Variants in CACNA1C observed in about 807,000 individuals in gnomAD.
CACNA1C encodes the protein voltage-dependent L-type calcium channel subunit alpha-1C.
In CACNA1C, 30 loss-of-function variants were observed where a neutral mutation model predicts 229.0. The observed-to-expected ratio is 0.13, with a 90% confidence interval of 0.10 to 0.18. The LOEUF (loss-of-function observed/expected upper bound fraction) is 0.18. Among genes scored for constraint, CACNA1C ranks in the 10% least tolerant of loss-of-function variants. The pLI is 1.00. For missense variants in CACNA1C, 1,658 were observed against 2,845.0 expected (o/e 0.58, Z 9.49); for synonymous variants, 1,114 against 1,132.5 (o/e 0.98, Z 0.33).
At chr12:2,216,017 A>G (rs2059881255) in intron 3 of CACNA1C, among the ~76,000 whole-genome samples, 1 of 152,250 alleles carries the variant, frequency 6.6e-6, no homozygotes, top group African/African-American at 2.4e-5. Context: ...AAGCACACTC[A>G]GCAGAGATGT....
intron 10 of CACNA1C, among the ~76,000 whole-genome samples, chr12:2,551,775 T>C (rs1372810576): frequency 6.6e-6 from 1 of 152,014 alleles, no homozygotes. Flanking sequence ...AACTACGGCA[T>C]GTTACTTCAT....
At chr12:2,367,048 T>C (rs2097741092) in intron 3 of CACNA1C, among the ~76,000 whole-genome samples, 3 of 152,154 alleles carry the variant, frequency 2.0e-5, no homozygotes, top group African/African-American at 4.8e-5. Context: ...GATTCCAATT[T>C]GAGATGAGAT....
At chr12:2,163,565 G>A (rs2096031766) in intron 3 of CACNA1C, among the ~76,000 whole-genome samples, 1 of 152,118 alleles carries the variant, frequency 6.6e-6, no homozygotes, top group Non-Finnish European at 1.5e-5. Context: ...GTTTTCTAGT[G>A]GGGGTAAGGA....
At chr12:2,352,064 C>A (rs562394071) in intron 3 of CACNA1C, among the ~76,000 whole-genome samples, 1 of 152,332 alleles carries the variant, frequency 6.6e-6, no homozygotes, top group Admixed American at 6.5e-5. Flanking sequence ...GCAGCACAAT[C>A]ACCCTGTCCC....
chr12:2,189,275 G>A (rs2097141903), intron 3 of CACNA1C, among the ~76,000 whole-genome samples: 1 of 152,138 alleles, frequency 6.6e-6, no homozygotes, highest in Admixed American at 6.5e-5. Flanking sequence ...CAGTAAGAGA[G>A]CCTTGTGCTA....
chr12:2,517,105 T>G (rs991262012), intron 9 of CACNA1C, among the ~76,000 whole-genome samples: 15 of 152,240 alleles, frequency 9.9e-5, no homozygotes, highest in Non-Finnish European at 1.9e-4. Context: ...CCATTGGGCT[T>G]AGCAATGTGG....
chr12:2,376,849 G>A (rs768866562), intron 3 of CACNA1C, among the ~76,000 whole-genome samples: 2 of 152,190 alleles, frequency 1.3e-5, no homozygotes, highest in Non-Finnish European at 2.9e-5. Flanking sequence ...GAGATGGGGT[G>A]AAAGATGGTG....
chr12:2,674,160 G>A (rs1273183605), intron 38 of CACNA1C, among the ~76,000 whole-genome samples: 1 of 152,126 alleles, frequency 6.6e-6, no homozygotes, highest in Non-Finnish European at 1.5e-5. Context: ...CCCGTGGCAG[G>A]GCCATACGTG....
chr12:2,095,062 C>G (rs543119499), intron 1 of CACNA1C, among the ~76,000 whole-genome samples: 1 of 152,200 alleles, frequency 6.6e-6, no homozygotes, highest in South Asian at 2.1e-4. Context: ...TGCCCGGGCT[C>G]ACAGGGCTAG....
intron 3 of CACNA1C, among the ~76,000 whole-genome samples, chr12:2,431,262 G>T (rs1399771934): frequency 1.3e-5 from 2 of 152,160 alleles, no homozygotes; most frequent in East Asian, 3.8e-4. Context: ...CAAAATATCT[G>T]TAGGTAGTTG....
At chr12:2,127,689 C>T (rs113381436) in intron 3 of CACNA1C, among the ~76,000 whole-genome samples, 4,704 of 152,192 alleles carry the variant, frequency 0.031, 230 homozygotes, top group African/African-American at 0.11. Context: ...GTCAGTTCTC[C>T]CCTCAGATTT....
intron 43 of CACNA1C, among the ~76,000 whole-genome samples, chr12:2,684,775 G>A (rs1263655410): frequency 6.6e-6 from 1 of 152,194 alleles, no homozygotes; most frequent in Non-Finnish European, 1.5e-5. Flanking sequence ...ATACAATAGG[G>A]AGGCCTTAGC....
Position 2,665,979 on chromosome 12 carries a change from CAGG to C in CACNA1C, c.4526+274_4526+276del, listed in dbSNP as rs1251613541. On this transcript the variant is annotated intron_variant, in intron 36 of 46. Coordinates refer to ENST00000399655, the MANE Select transcript of CACNA1C (RefSeq NM_000719.7). This position sits in a 1 kb window ranked among gnomAD's most constrained non-coding sequence, Gnocchi z 5.9. ...CAAAGGTGGTTGAATCACTCGAGGC[CAGG>C]AGTTCAAGACCAGCCTGGCCAACAC... Among the ~76,000 whole-genome samples, 1 of 152,106 alleles carries C rather than the reference CAGG, an allele frequency of 6.6e-6. No homozygotes were observed. Among genetic ancestry groups the C allele is most frequent in the Non-Finnish European group, 1.5e-5 (1 of 68,012 alleles).
intron 9 of CACNA1C, among the ~76,000 whole-genome samples, chr12:2,518,202 C>T (rs1304531590): frequency 6.6e-6 from 1 of 152,228 alleles, no homozygotes; most frequent in Non-Finnish European, 1.5e-5. Context: ...CTTGTAAGAG[C>T]TGCAGGTTGC....
chr12:2,648,463 C>A lies in CACNA1C; in HGVS notation c.3913-12C>A. 1 of 1,613,626 alleles carries A rather than the reference C, an allele frequency of 6.2e-7. No homozygotes were observed. Among genetic ancestry groups the A allele is most frequent in the Non-Finnish European group, 8.5e-7 (1 of 1,179,560 alleles). Reference sequence around the variant, plus strand: ...CTCATTACAGCTTATCTCTATCTGCCTTTCTTTAAAGCCAGCTGAACATAC... The same window carrying A: ...CTCATTACAGCTTATCTCTATCTGCATTTCTTTAAAGCCAGCTGAACATAC... On this transcript the variant is annotated splice_polypyrimidine_tract_variant and intron_variant, in intron 30 of 46. Transcript: ENST00000399655.
chr12:2,020,468 A>G (rs547240227), intron 1 of CACNA1C: 1 of 152,178 alleles, frequency 6.6e-6, no homozygotes, highest in Non-Finnish European at 1.5e-5. Context: ...AATTTCCTGA[A>G]GTAAGGCTGC....
At chr12:2,177,643 TC>T in intron 3 of CACNA1C, among the ~76,000 whole-genome samples, 1 of 135,662 alleles carries the variant, frequency 7.4e-6, no homozygotes, top group African/African-American at 3.1e-5. Flanking sequence ...TCTCTTTCTT[TC>T]TTTCTTTCTT....
In CACNA1C at chr12:2,690,971, G is replaced by A. The variant is rs781403390; in HGVS notation, c.6189G>A (p.Leu2063=). 3 of 1,599,558 alleles carry A rather than the reference G, an allele frequency of 1.9e-6. No homozygotes were observed. Among genetic ancestry groups the A allele is most frequent in the South Asian group, 2.3e-5 (2 of 88,524 alleles). ...PKFIEVTTQE[L]ADACDMTIEE... ...TCATCGAGGTCACCACCCAGGAGCT[G>A]GCCGACGCCTGCGACATGACCATAG... Residue 2063 remains leucine, a synonymous_variant, in exon 47 of 47, where the codon CTG becomes CTA. Transcript: ENST00000399655.
At chr12:2,621,688 G>A (rs1226630692) in intron 29 of CACNA1C, among the ~76,000 whole-genome samples, 1 of 152,206 alleles carries the variant, frequency 6.6e-6, no homozygotes, top group African/African-American at 2.4e-5. Context: ...GCAGAGTCAT[G>A]ACATCACTGG....
Sources: allele counts gnomAD v4.1 joint callset (sites outside exome capture counted in the v4.1 genomes callset), GRCh38; gene constraint gnomAD v4.1.1; non-coding constraint Gnocchi (gnomAD v3.1); transcripts MANE v1.5; gene names NCBI Gene and HGNC (gene_info 2026-07-23, HGNC 2026-07-21).